The following VPS41 variants were observed in gnomAD, a reference collection of about 807,000 sequenced individuals.
The protein encoded by VPS41 is VPS41 subunit of HOPS complex, also known as vacuolar protein sorting-associated protein 41 homolog.
Under a neutral mutation model 130.9 loss-of-function variants are expected in VPS41, and 85 were observed. The ratio of observed to expected loss-of-function variants is 0.65; its 90% CI spans 0.55 to 0.78. The LOEUF (loss-of-function observed/expected upper bound fraction) is 0.78, where lower values mean the gene tolerates loss of function less well. Ranked by LOEUF, VPS41 falls within the 30% of genes least tolerant of loss-of-function variation. The pLI is 0.00. For synonymous variants in VPS41, 335 were observed against 332.9 expected (o/e 1.01, Z -0.07); for missense variants, 874 against 1,018.7 (o/e 0.86, Z 1.93).
At chr7:38,763,327 G>GT in intron 17 of VPS41, 128 bp downstream of exon 17, 1 of 532,912 alleles carries the variant, frequency 1.9e-6, no homozygotes, top group East Asian at 3.2e-5. Flanking sequence ...CTCTAGCTCA[G>GT]TTTCACCTGC....
intron 7 of VPS41, among the ~76,000 whole-genome samples, chr7:38,800,906 T>A (rs4723791): frequency 6.6e-6 from 1 of 152,138 alleles, no homozygotes; most frequent in African/African-American, 2.4e-5. Flanking sequence ...ATATTGAACA[T>A]GTATTAGAAT....
At chr7:38,761,719 T>G (rs565098980) in intron 17 of VPS41, among the ~76,000 whole-genome samples, 2 of 152,094 alleles carry the variant, frequency 1.3e-5, no homozygotes, top group Non-Finnish European at 2.9e-5. Flanking sequence ...GCCTCCTGAA[T>G]AGCTGAGAGT....
At chr7:38,831,313 T>C in intron 4 of VPS41, 3 of 447,242 alleles carry the variant, frequency 6.7e-6, no homozygotes, top group Non-Finnish European at 4.6e-6. Context: ...TATGGTACTG[T>C]CCACATGCAG....
chr7:38,852,308 G>C (rs1785874663), intron 4 of VPS41, among the ~76,000 whole-genome samples: 2 of 152,184 alleles, frequency 1.3e-5, no homozygotes, highest in Admixed American at 1.3e-4. Flanking sequence ...GATCCAGTCA[G>C]ATCACACCTC....
chr7:38,831,164 T>C (rs1410029817), intron 4 of VPS41: 1 of 469,160 alleles, frequency 2.1e-6, no homozygotes, highest in African/African-American at 2.0e-5. Context: ...TTCATCAAAC[T>C]ACATTTTTTT....
intron 2 of VPS41, among the ~76,000 whole-genome samples, chr7:38,880,136 A>C (rs1786573823): frequency 6.6e-6 from 1 of 152,204 alleles, no homozygotes; most frequent in African/African-American, 2.4e-5. Context: ...CACAAAGCTT[A>C]GTATCTGGTA....
chr7:38,780,748 T>C (rs930974047), intron 10 of VPS41, among the ~76,000 whole-genome samples: 7 of 152,184 alleles, frequency 4.6e-5, no homozygotes, highest in African/African-American at 1.2e-4. Flanking sequence ...AAATCTCATG[T>C]TGAACTGTAA....
intron 1 of VPS41, among the ~76,000 whole-genome samples, chr7:38,907,710 TC>T (rs1415412269): frequency 6.6e-6 from 1 of 152,224 alleles, no homozygotes; most frequent in African/African-American, 2.4e-5. Context: ...TAGGTTTTTT[TC>T]AATGGAAGAA....
At chr7:38,746,486 G>A (rs1474630103) in intron 22 of VPS41, among the ~76,000 whole-genome samples, 1 of 151,984 alleles carries the variant, frequency 6.6e-6, no homozygotes. Context: ...TCCACCCCCG[G>A]GAGCTCAGGG....
At chr7:38,892,273 G>A (rs116492404) in intron 2 of VPS41, among the ~76,000 whole-genome samples, 37 of 152,146 alleles carry the variant, frequency 2.4e-4, no homozygotes, top group African/African-American at 6.3e-4. Context: ...TTGGAGCCTC[G>A]GAGTCAAACT....
chr7:38,850,634 C>T (rs1233780195), intron 4 of VPS41, among the ~76,000 whole-genome samples: 1 of 152,092 alleles, frequency 6.6e-6, no homozygotes, highest in Non-Finnish European at 1.5e-5. Flanking sequence ...TTAAATTTGA[C>T]TTGGTAGCGA....
intron 7 of VPS41, among the ~76,000 whole-genome samples, chr7:38,801,982 T>C (rs2116016766): frequency 6.6e-6 from 1 of 152,304 alleles, no homozygotes; most frequent in Middle Eastern, 3.4e-3. Flanking sequence ...AAGAACCCAA[T>C]GACTAATTCA....
intron 4 of VPS41, among the ~76,000 whole-genome samples, chr7:38,834,485 T>C (rs1785452382): frequency 6.6e-6 from 1 of 152,022 alleles, no homozygotes; most frequent in African/African-American, 2.4e-5. Context: ...CACACACAGG[T>C]TGTAAAATAA....
Position 38,906,934 on chromosome 7 carries a change from ATTTG to A in VPS41, c.21+2216_21+2219del, listed in dbSNP as rs369491182. Among the ~76,000 whole-genome samples the A allele has an allele frequency of 6.9e-3, 1,051 of 152,308 alleles. 3 individuals carry two copies. Among genetic ancestry groups the A allele is most frequent in the Non-Finnish European group, 1.0e-2 (678 of 68,030 alleles). On this transcript the variant is annotated intron_variant, in intron 1 of 28. Coordinates refer to ENST00000310301, the MANE Select transcript of VPS41 (RefSeq NM_014396.4). ...CGTTACTCAAGTTGCCTGAATTTCAATTTGTTTATCAGTAAAAGTCAATCATTTA... is the reference window on the plus strand; with the variant it reads ...CGTTACTCAAGTTGCCTGAATTTCAATTTATCAGTAAAAGTCAATCATTTA...
rs550930461 is a variant in VPS41 at position 38,848,814 on chromosome 7, G to A, written c.246+13731C>T. On this transcript the variant is annotated intron_variant, in intron 4 of 28. Transcript: ENST00000310301. Reference sequence around the variant, plus strand: ...TCCTTCTGCTGGACATTACCGCCCCGCCAGAGTTTCTTCTCTAATCATTAT... The same window carrying A: ...TCCTTCTGCTGGACATTACCGCCCCACCAGAGTTTCTTCTCTAATCATTAT... Among the ~76,000 whole-genome samples, 366 of 152,136 alleles carry A rather than the reference G, an allele frequency of 2.4e-3. 1 individual carries two copies. The highest frequency in any genetic ancestry group is 8.2e-3 in the African/African-American group (342 of 41,490).
At chr7:38,776,017 A>T (rs1246022661) in intron 11 of VPS41, among the ~76,000 whole-genome samples, 1 of 152,138 alleles carries the variant, frequency 6.6e-6, no homozygotes, top group East Asian at 1.9e-4. Context: ...CATAATAAAG[A>T]CAAGCTGGGA....
intron 27 of VPS41, chr7:38,728,300 G>A (rs897371195): frequency 2.6e-5 from 17 of 664,526 alleles, no homozygotes; most frequent in South Asian, 1.8e-4. Context: ...CTGGGTCAGC[G>A]ATCTGGGTTC....
chr7:38,758,427 T>C lies in VPS41; in HGVS notation c.1477A>G (p.Ile493Val), dbSNP rs1394501583. 1.2e-6 allele frequency: 2 copies of C among 1,613,438 alleles called. No individual in the cohort carries two copies. The highest frequency in any genetic ancestry group is 1.7e-6 in the Non-Finnish European group (2 of 1,179,692). Residue 493 changes from isoleucine to valine, a missense_variant, in exon 18 of 29, where the codon ATA (isoleucine) becomes GTA (valine). Coordinates refer to ENST00000310301, the MANE Select transcript of VPS41 (RefSeq NM_014396.4). ...WPGDLYNNSV[I>V]VQAVRDHLKK... ...AAATGATCCCGAACTGCTTGAACTA[T>C]GACTGAATTATTATACAGATCTCCA...
At position 38,726,999 on chromosome 7, in the gene VPS41, G is replaced by A; in HGVS notation, c.2405-11C>T. On this transcript the variant is annotated splice_polypyrimidine_tract_variant and intron_variant, in intron 27 of 28. Coordinates refer to ENST00000310301, the MANE Select transcript of VPS41 (RefSeq NM_014396.4). ...AGGGCTTAGCTGCATCTGGCGAGGAGGGCAGAGAAAGGAGGAGAACTTAAT... is the reference window on the plus strand; with the variant it reads ...AGGGCTTAGCTGCATCTGGCGAGGAAGGCAGAGAAAGGAGGAGAACTTAAT... 6.5e-7 allele frequency: 1 copy of A among 1,530,792 alleles called. No homozygotes were observed. The highest frequency in any genetic ancestry group is 8.8e-7 in the Non-Finnish European group (1 of 1,138,634). 94.8% of individuals were successfully genotyped at this position (1,530,792 alleles called of 1,614,324 possible).
Sources: allele counts gnomAD v4.1 joint callset (sites outside exome capture counted in the v4.1 genomes callset), GRCh38; gene constraint gnomAD v4.1.1; transcripts MANE v1.5; gene names NCBI Gene and HGNC (gene_info 2026-07-23, HGNC 2026-07-21).